Variants in UGT3A2 observed in about 807,000 individuals in gnomAD.
UGT3A2 encodes the protein UDP-glycosyltransferase 3A2.
Under a neutral mutation model 39.8 loss-of-function variants are expected in UGT3A2, and 32 were observed. That is an observed-to-expected ratio of 0.80 (90% CI 0.61 to 1.08). The LOEUF is 1.08. Ranked by LOEUF, UGT3A2 falls within the 50% of genes least tolerant of loss-of-function variation. The probability of loss-of-function intolerance (pLI) is 0.00; values close to 1 mark genes in which losing one functional copy is unlikely to be tolerated. For missense variants in UGT3A2, 611 were observed against 637.1 expected (o/e 0.96, Z 0.44); for synonymous variants, 241 against 230.7 (o/e 1.04, Z -0.40).
chr5:36,049,068 CA>C lies in UGT3A2; in HGVS notation c.663del (p.Phe221LeufsTer22), dbSNP rs1356159588. The C allele has an allele frequency of 1.2e-6, 2 of 1,614,052 alleles. No individual in the cohort carries two copies. The highest frequency in any genetic ancestry group is 1.7e-6 in the Non-Finnish European group (2 of 1,180,034). ...GTGAAATGTTCCTTGATGGTGTTGT[CA>C]AATGTAGACTGCATGTGCTGTTGCC... ...CRRQQHMQST[F>X]DNTIKEHFTE... On this transcript the variant is annotated frameshift_variant, in exon 4 of 7. Transcript: ENST00000282507. LOFTEE classifies it high-confidence loss of function.
At chr5:36,064,615 A>G (rs1189181573) in intron 1 of UGT3A2, among the ~76,000 whole-genome samples, 1 of 152,192 alleles carries the variant, frequency 6.6e-6, no homozygotes, top group Admixed American at 6.5e-5. Flanking sequence ...GTAATGAGCT[A>G]CTATGTGCTT....
chr5:36,043,991 G>A (rs1206735085), intron 4 of UGT3A2, among the ~76,000 whole-genome samples: 1 of 151,718 alleles, frequency 6.6e-6, no homozygotes, highest in Non-Finnish European at 1.5e-5. Flanking sequence ...GGGAATAAAA[G>A]GCCTGTATTA....
chr5:36,050,804 G>A (rs1014698383), intron 3 of UGT3A2, among the ~76,000 whole-genome samples: 13 of 151,648 alleles, frequency 8.6e-5, no homozygotes, highest in Admixed American at 5.9e-4. Context: ...AGAGGTTGCA[G>A]TGAGCTGAGA....
At chr5:36,064,467 A>G (rs889529106) in intron 1 of UGT3A2, 117 bp from the exon 2 acceptor site, 2 of 922,364 alleles carry the variant, frequency 2.2e-6, no homozygotes, top group African/African-American at 3.3e-5. Flanking sequence ...GATTGGAGGA[A>G]GATGAGTTTT....
At chr5:36,055,582 G>T (rs1029806541) in intron 2 of UGT3A2, among the ~76,000 whole-genome samples, 1 of 152,112 alleles carries the variant, frequency 6.6e-6, no homozygotes, top group African/African-American at 2.4e-5. Flanking sequence ...GTGTCTAGAT[G>T]TTCACCTCAT....
At chr5:36,044,169 G>A (rs1742095562) in intron 4 of UGT3A2, among the ~76,000 whole-genome samples, 1 of 152,002 alleles carries the variant, frequency 6.6e-6, no homozygotes, top group Non-Finnish European at 1.5e-5. Context: ...CTGAGGGACT[G>A]AAGGATCGTT....
chr5:36,063,739 G>A (rs920035512), intron 2 of UGT3A2, among the ~76,000 whole-genome samples: 15 of 152,052 alleles, frequency 9.9e-5, no homozygotes, highest in South Asian at 2.1e-4. Context: ...TGGCTCAAGC[G>A]ATCCTCCACC....
rs1352806307 is a variant in UGT3A2 at position 36,062,867 on chromosome 5, C to G, written c.196+1382G>C. 2.0e-5 allele frequency among the ~76,000 whole-genome samples: 3 copies of G among 152,002 alleles called. No homozygotes were observed. In the East Asian group the frequency reaches 5.8e-4, roughly 29 times the overall value. On this transcript the variant is annotated intron_variant, in intron 2 of 6. Coordinates refer to ENST00000282507, the MANE Select transcript of UGT3A2 (RefSeq NM_174914.4). ...CTAGCCTGGCCAACATGGTGAAACC[C>G]CATCTCTACTAAAAATACAAAAAAT...
intron 2 of UGT3A2, among the ~76,000 whole-genome samples, chr5:36,061,019 G>A (rs975319241): frequency 2.6e-5 from 4 of 152,068 alleles, no homozygotes; most frequent in South Asian, 2.1e-4. Context: ...TTAGCCAGGC[G>A]TGGTGCCCCA....
chr5:36,045,973 T>C (rs531942183), intron 4 of UGT3A2, among the ~76,000 whole-genome samples: 79 of 152,256 alleles, frequency 5.2e-4, no homozygotes, highest in African/African-American at 1.8e-3. Flanking sequence ...AAGATCTGAA[T>C]GGACATTTTT....
At position 36,064,301 on chromosome 5, in the gene UGT3A2, A is replaced by C. The variant is rs904248316; in HGVS notation, c.144T>G (p.Asp48Glu). The stretch of plus-strand genomic sequence containing the variant: ...TAAGCATGGTGACATTATGACCGTG[A>C]TCTTGAAGAATCTGAGAAACCCGGT... Reference protein sequence around the residue: ...LMDRVSQILQDHGHNVTMLNH... With the variant: ...LMDRVSQILQEHGHNVTMLNH... Residue 48 changes from aspartate to glutamate, a missense_variant, in exon 2 of 7, where the codon GAT becomes GAG. Coordinates refer to ENST00000282507, the MANE Select transcript of UGT3A2 (RefSeq NM_174914.4). The C allele has an allele frequency of 1.2e-6, 2 of 1,614,116 alleles. No homozygotes were observed. The highest frequency in any genetic ancestry group is 2.7e-5 in the African/African-American group (2 of 74,944).
chr5:36,064,155 A>G, intron 2 of UGT3A2, 94 bp downstream of exon 2: 1 of 1,183,124 alleles, frequency 8.5e-7, no homozygotes, highest in Non-Finnish European at 1.2e-6. Context: ...ATTGAATTAG[A>G]TTTTTAAAAA....
At position 36,039,607 on chromosome 5, in the gene UGT3A2, C is replaced by A. The variant is rs773294924; in HGVS notation, c.945G>T (p.Glu315Asp). The A allele has an allele frequency of 6.2e-6, 10 of 1,614,102 alleles. No homozygotes were observed. Among genetic ancestry groups the A allele is most frequent in the Non-Finnish European group, 8.5e-6 (10 of 1,180,052 alleles). Residue 315 changes from glutamate to aspartate, a missense_variant, in exon 5 of 7, where the codon GAG (glutamate) becomes GAT (aspartate). By Grantham distance (45) the Glu-to-Asp change is conservative (BLOSUM62 2). Transcript: ENST00000282507. ...GTAGGTGAGCAAAGGCATTGTTCAT[C>A]TCCTTGAAGATTTCCGGATTCTGAC... The part of the protein sequence containing the change: ...NTCQNPEIFK[E>D]MNNAFAHLPQ...
intron 4 of UGT3A2, among the ~76,000 whole-genome samples, chr5:36,044,635 G>T (rs1315936862): frequency 6.6e-6 from 1 of 152,132 alleles, no homozygotes; most frequent in Non-Finnish European, 1.5e-5. Context: ...CAGTAAAGTT[G>T]CAGGATACAA....
chr5:36,060,315 G>GTT (rs1742650276), intron 2 of UGT3A2, among the ~76,000 whole-genome samples: 1 of 152,230 alleles, frequency 6.6e-6, no homozygotes, highest in Admixed American at 6.5e-5. Context: ...TACCACTGGA[G>GTT]GCTATATGAG....
chr5:36,064,254 A>T lies in UGT3A2; in HGVS notation c.191T>A (p.Met64Lys). 1 of 1,614,044 alleles carries T rather than the reference A, an allele frequency of 6.2e-7. No homozygotes were observed. Among genetic ancestry groups the T allele is most frequent in the Non-Finnish European group, 8.5e-7 (1 of 1,179,906 alleles). Residue 64 changes from methionine (M) to lysine (K), a missense_variant, in exon 2 of 7, where the codon ATG becomes AAG. Transcript: ENST00000282507. ...TMLNHKRGPFMPDFKKEEKSY... is the reference protein window; with the variant it reads ...TMLNHKRGPFKPDFKKEEKSY... ...AGAAAAGTGAGAAAAGATACCTGGCATAAAAGGACCTCTTTTGTGGTTAAG... is the reference window on the plus strand; with the variant it reads ...AGAAAAGTGAGAAAAGATACCTGGCTTAAAAGGACCTCTTTTGTGGTTAAG...
intron 3 of UGT3A2, among the ~76,000 whole-genome samples, chr5:36,050,250 C>T (rs1399546009): frequency 6.6e-6 from 1 of 152,010 alleles, no homozygotes; most frequent in Non-Finnish European, 1.5e-5. Flanking sequence ...TGACATATGC[C>T]TATGCAAAGG....
At position 36,035,994 on chromosome 5, in the gene UGT3A2, G is replaced by A. The variant is rs201441935; in HGVS notation, c.1296-20C>T. On this transcript the variant is annotated intron_variant, in intron 6 of 6. Coordinates refer to ENST00000282507, the MANE Select transcript of UGT3A2 (RefSeq NM_174914.4). ...TTGTATCTGTTGAGAGAGATAGAGAGGGGGCATTACTAATGTGACCTCACA... is the reference window on the plus strand; with the variant it reads ...TTGTATCTGTTGAGAGAGATAGAGAAGGGGCATTACTAATGTGACCTCACA... 8 of 1,609,374 alleles carry A rather than the reference G, an allele frequency of 5.0e-6. No individual in the cohort carries two copies. Among genetic ancestry groups the A allele is most frequent in the African/African-American group, 1.3e-5 (1 of 74,808 alleles).
intron 1 of UGT3A2, among the ~76,000 whole-genome samples, chr5:36,065,505 T>C (rs76452638): frequency 0.034 from 5,103 of 152,230 alleles, 137 homozygotes; most frequent in Non-Finnish European, 0.051. Flanking sequence ...CATCAACTCC[T>C]TCTTGGAGCC....
Sources: allele counts gnomAD v4.1 joint callset (sites outside exome capture counted in the v4.1 genomes callset), GRCh38; gene constraint gnomAD v4.1.1; transcripts MANE v1.5; gene names NCBI Gene and HGNC (gene_info 2026-07-23, HGNC 2026-07-21).